PTPRF: variants seen among roughly 807,000 people sequenced by gnomAD.
The protein encoded by PTPRF is receptor-type tyrosine-protein phosphatase F.
PTPRF carries 59 observed loss-of-function variants against 201.8 expected under a neutral mutation model. The ratio of observed to expected loss-of-function variants is 0.29; its 90% confidence interval spans 0.24 to 0.36. The LOEUF (loss-of-function observed/expected upper bound fraction) is 0.36, where lower values mean the gene tolerates loss of function less well. Ranked by LOEUF, PTPRF falls within the 10% of genes least tolerant of loss-of-function variation. The pLI is 1.00. For missense variants in PTPRF, 2,132 were observed against 2,690.5 expected (o/e 0.79, Z 4.59); for synonymous variants, 1,088 against 1,089.7 (o/e 1.00, Z 0.03).
intron 6 of PTPRF, among the ~76,000 whole-genome samples, chr1:43,570,386 A>T (rs978252444): frequency 6.6e-6 from 1 of 152,236 alleles, no homozygotes; most frequent in African/African-American, 2.4e-5. Context: ...AGGATAATTG[A>T]TTCAGTTTTT....
At chr1:43,564,852 A>G (rs531239277) in intron 5 of PTPRF, among the ~76,000 whole-genome samples, 1 of 152,250 alleles carries the variant, frequency 6.6e-6, no homozygotes, top group South Asian at 2.1e-4. Flanking sequence ...AGGCGTCTCC[A>G]TCTGTCAGCT....
chr1:43,597,407 C>T (rs6665224), intron 11 of PTPRF, among the ~76,000 whole-genome samples: 39,599 of 151,872 alleles, frequency 0.26, 6,107 homozygotes, highest in East Asian at 0.49. Context: ...TATGAGACAC[C>T]CTGTGTGTGT....
rs774708497 is a variant in PTPRF, at chr1:43,591,496, A to T, written c.1474A>T (p.Thr492Ser). ...ITYSLRVLAF[T>S]AVGDGPPSPT... ...CTACAGCCTGCGCGTGCTTGCCTTC[A>T]CCGCCGTGGGCGATGGCCCTCCCAG... is the stretch of plus-strand genomic sequence containing the variant. Residue 492 changes from threonine to serine, a missense_variant, in exon 9 of 34, where the codon ACC becomes TCC. Thr to Ser is a moderately conservative substitution (Grantham distance 58). Coordinates refer to ENST00000359947, the MANE Select transcript of PTPRF (RefSeq NM_002840.5). 2.6e-5 allele frequency: 42 copies of T among 1,599,440 alleles called. No homozygotes were observed. The highest frequency in any genetic ancestry group is 1.1e-5 in the Non-Finnish European group (13 of 1,175,764).
intron 12 of PTPRF, chr1:43,598,295 C>CT (rs1316210258): frequency 2.0e-6 from 1 of 494,756 alleles, no homozygotes; most frequent in Non-Finnish European, 3.5e-6. Flanking sequence ...GCAGCCCTGT[C>CT]TAAGATTTGA....
intron 7 of PTPRF, among the ~76,000 whole-genome samples, chr1:43,584,447 G>A (rs1648590323): frequency 6.6e-6 from 1 of 152,186 alleles, no homozygotes; most frequent in Non-Finnish European, 1.5e-5. Context: ...GGGCAGATCT[G>A]CGAGGGCGTC....
intron 21 of PTPRF, among the ~76,000 whole-genome samples, chr1:43,607,628 G>A (rs1002620734): frequency 3.9e-5 from 6 of 152,160 alleles, no homozygotes; most frequent in Admixed American, 3.3e-4. Flanking sequence ...TTTGATGGCT[G>A]CCCACGTAAA....
At chr1:43,606,076 C>T (rs779169765) in intron 19 of PTPRF, among the ~76,000 whole-genome samples, 164 bp from the exon 20 acceptor site, 33 of 152,266 alleles carry the variant, frequency 2.2e-4, no homozygotes, top group Admixed American at 1.4e-3. Flanking sequence ...AGTGGCTTCA[C>T]GGTGTCTGTT....
At chr1:43,550,018 A>G (rs2153968930) in intron 3 of PTPRF, among the ~76,000 whole-genome samples, 1 of 152,210 alleles carries the variant, frequency 6.6e-6, no homozygotes, top group East Asian at 1.9e-4. Context: ...CATAAGGGGC[A>G]ACGCCTTGTC....
At chr1:43,615,558 T>C (rs1312944799) in intron 23 of PTPRF, among the ~76,000 whole-genome samples, 4 of 60,506 alleles carry the variant, frequency 6.6e-5, no homozygotes, top group African/African-American at 2.4e-4. Context: ...TGTCTTTTTT[T>C]TTTTTTTTTT....
chr1:43,558,084 G>A (rs764107159), intron 5 of PTPRF, among the ~76,000 whole-genome samples: 5 of 152,128 alleles, frequency 3.3e-5, no homozygotes, highest in African/African-American at 7.2e-5. Context: ...GGGTGGGGCC[G>A]GCAGGAGCCA....
intron 32 of PTPRF, 49 bp from the exon 33 acceptor site, chr1:43,621,048 C>A (rs760066435): frequency 2.5e-6 from 4 of 1,610,750 alleles, no homozygotes; most frequent in Non-Finnish European, 3.4e-6. Context: ...CTGGCAGACC[C>A]ACTGCATGAG....
In PTPRF at chr1:43,619,321, G is replaced by A. The variant is rs746447284; in HGVS notation, c.4680G>A (p.Val1560=). 3.1e-6 allele frequency: 5 copies of A among 1,613,766 alleles called. No individual in the cohort carries two copies. Among genetic ancestry groups the A allele is most frequent in the Non-Finnish European group, 3.4e-6 (4 of 1,180,020 alleles). Residue 1560 remains valine (V), a synonymous_variant, in exon 28 of 34, where the codon GTG becomes GTA. Coordinates refer to ENST00000359947, the MANE Select transcript of PTPRF (RefSeq NM_002840.5). ...AGVGRTGCFI[V]IDAMLERMKH... is the part of the protein sequence containing the mutation. ...TGGGCCGCACCGGCTGCTTCATCGT[G>A]ATTGATGCCATGTTGGAGCGGATGA... is the stretch of plus-strand genomic sequence containing the variant.
intron 11 of PTPRF, among the ~76,000 whole-genome samples, chr1:43,595,884 G>A (rs1652130703): frequency 6.6e-6 from 1 of 152,142 alleles, no homozygotes; most frequent in African/African-American, 2.4e-5. Flanking sequence ...GAGGGGGACT[G>A]TTTCATGTGA....
intron 22 of PTPRF, 123 bp from the exon 23 acceptor site, chr1:43,613,495 A>G (rs2154030567): frequency 1.2e-6 from 1 of 805,650 alleles, no homozygotes; most frequent in East Asian, 2.5e-5. Flanking sequence ...TCTCCATGCC[A>G]CCAGTTCCAA....
chr1:43,588,111 AGCC>A lies in PTPRF; in HGVS notation c.680-619_680-617del, dbSNP rs2154007524. On this transcript the variant is annotated intron_variant, in intron 7 of 33. Coordinates refer to ENST00000359947, the MANE Select transcript of PTPRF (RefSeq NM_002840.5). This position sits in a 1 kb window ranked among gnomAD's most constrained non-coding sequence, Gnocchi z 5.3. ...GCCCCTCCCCAGTCCTCCTGAGGGC[AGCC>A]CTTTTGCTTGGGTTCCCAGGTTGTG... Among the ~76,000 whole-genome samples the A allele has an allele frequency of 6.6e-6, 1 of 152,258 alleles. No individual in the cohort carries two copies. The highest frequency in any genetic ancestry group is 6.5e-5 in the Admixed American group (1 of 15,310).
At chr1:43,550,003 C>T (rs1644917428) in intron 3 of PTPRF, among the ~76,000 whole-genome samples, 1 of 152,212 alleles carries the variant, frequency 6.6e-6, no homozygotes, top group Admixed American at 6.5e-5. Context: ...AGATCCTCTG[C>T]TGAACATAAG....
rs528728508 is a variant in PTPRF, at chr1:43,613,684, A to G, written c.4040A>G (p.Asn1347Ser). Residue 1347 changes from asparagine to serine, a missense_variant, in exon 23 of 34, where the codon AAC (asparagine) becomes AGC (serine). This residue lies in a region of PTPRF where 818 missense variants were observed against 915.3 expected (regional missense o/e 0.89). Coordinates refer to ENST00000359947, the MANE Select transcript of PTPRF (RefSeq NM_002840.5). ...LADNIERLKA[N>S]DGLKFSQEYE... ...GACAACATCGAGCGCCTCAAAGCCA[A>G]CGATGGCCTCAAGTTCTCCCAGGAG... is the stretch of plus-strand genomic sequence containing the variant. The G allele has an allele frequency of 9.9e-6, 16 of 1,614,026 alleles. No homozygotes were observed. Among genetic ancestry groups the G allele is most frequent in the Middle Eastern group, 1.6e-4 (1 of 6,084 alleles).
chr1:43,524,888 C>T (rs927110890), upstream of PTPRF, among the ~76,000 whole-genome samples: 18 of 152,150 alleles, frequency 1.2e-4, no homozygotes, highest in African/African-American at 3.6e-4. Context: ...CTGGAATAGC[C>T]GTTACAGAGA....
chr1:43,622,960 T>C lies in PTPRF; in HGVS notation c.*957T>C, dbSNP rs1659496665. Reference sequence around the variant, plus strand: ...ACCCTCAAGAGGGGAAGCAACTCCGTGTGCCTGGGGTTCCCGAGGGAGCTG... The same window carrying C: ...ACCCTCAAGAGGGGAAGCAACTCCGCGTGCCTGGGGTTCCCGAGGGAGCTG... On this transcript the variant is annotated 3_prime_UTR_variant, in exon 34 of 34. Coordinates refer to ENST00000359947, the MANE Select transcript of PTPRF (RefSeq NM_002840.5). 1 of 152,214 alleles carries C rather than the reference T, an allele frequency of 6.6e-6. No individual in the cohort carries two copies. The highest frequency in any genetic ancestry group is 2.4e-5 in the African/African-American group (1 of 41,376). The allele number at this position is 152,214 out of a possible 1,614,324, so 9.4% of individuals were successfully genotyped here.
Sources: gnomAD v4.1 joint callset for allele counts (sites outside exome capture counted in the v4.1 genomes callset) on GRCh38, gnomAD v4.1.1 for gene constraint, gnomAD v4.1.1 regional missense constraint, Gnocchi (gnomAD v3.1) non-coding constraint, MANE v1.5 for transcripts, NCBI Gene and HGNC (gene_info 2026-07-23, HGNC 2026-07-21) for gene names.